The following DAB2IP variants were observed in gnomAD, a reference collection of about 807,000 sequenced individuals.
The protein encoded by DAB2IP is DAB2 interacting protein.
DAB2IP carries 28 observed loss-of-function variants against 107.2 expected under a neutral mutation model. The ratio of observed to expected loss-of-function variants is 0.26; its 90% CI spans 0.19 to 0.36. The LOEUF (loss-of-function observed/expected upper bound fraction) is 0.36, where lower values mean the gene tolerates loss of function less well. Ranked by LOEUF, DAB2IP falls within the 10% of genes least tolerant of loss-of-function variation. The pLI, the probability that DAB2IP is intolerant of heterozygous loss-of-function variation, is 1.00. For missense variants in DAB2IP, 1,400 were observed against 1,644.7 expected, an observed-to-expected ratio of 0.85 and a Z score of 2.57; for synonymous variants, 755 against 706.4, an observed-to-expected ratio of 1.07 and a Z score of -1.09.
In DAB2IP at chr9:121,702,712, G is replaced by A. The variant is rs1829849576; in HGVS notation, c.362+3254G>A. Among the ~76,000 whole-genome samples the A allele has an allele frequency of 6.6e-6, 1 of 152,182 alleles. No individual in the cohort carries two copies. Among genetic ancestry groups the A allele is most frequent in the African/African-American group, 2.4e-5 (1 of 41,426 alleles). On this transcript the variant is annotated intron_variant, in intron 3 of 15. Transcript: ENST00000408936. The surrounding 1 kb of genome is among the most constrained non-coding windows in gnomAD (Gnocchi z 4.5). ...AAAGTGATATAGAGGATGTGGTTCTGTCAGCCCAGAGGATAATTTCCAAGT... is the reference window on the plus strand; with the variant it reads ...AAAGTGATATAGAGGATGTGGTTCTATCAGCCCAGAGGATAATTTCCAAGT...
At chr9:121,650,915 T>C (rs1832717672), upstream of DAB2IP, among the ~76,000 whole-genome samples, 1 of 152,132 alleles carries the variant, frequency 6.6e-6, no homozygotes, top group South Asian at 2.1e-4. Context: ...ATAACAAGGA[T>C]GTTTAGACGT....
intron 2 of DAB2IP, 39 bp downstream of exon 2, chr9:121,678,820 A>G: frequency 1.3e-6 from 2 of 1,516,098 alleles, no homozygotes; most frequent in Non-Finnish European, 1.8e-6. Flanking sequence ...CACTGCCACC[A>G]CCATCACCAC....
chr9:121,669,701 T>A (rs1833598744), intron 1 of DAB2IP, among the ~76,000 whole-genome samples: 1 of 152,014 alleles, frequency 6.6e-6, no homozygotes, highest in Non-Finnish European at 1.5e-5. Flanking sequence ...CAAGAGAGGG[T>A]GATGATTGGT....
chr9:121,784,028 A>T (rs1234276238), exon 16 of DAB2IP: 3 of 197,926 alleles, frequency 1.5e-5, no homozygotes, highest in African/African-American at 6.8e-5. Flanking sequence ...TGAAGGGTGG[A>T]TGTGCTGGAG....
At chr9:121,604,812 GA>G (rs1443824082) in intron 1 of DAB2IP, among the ~76,000 whole-genome samples, 1 of 152,166 alleles carries the variant, frequency 6.6e-6, no homozygotes, top group African/African-American at 2.4e-5. Context: ...TGAATGCTTG[GA>G]AAGCTTTGTA....
intron 10 of DAB2IP, 96 bp from the exon 11 acceptor site, chr9:121,770,450 G>C: frequency 7.2e-7 from 1 of 1,391,508 alleles, no homozygotes; most frequent in Non-Finnish European, 9.8e-7. Context: ...CTTCTGACAG[G>C]CTCCGCAGTG....
chr9:121,659,430 A>G (rs1833104791), intron 1 of DAB2IP, among the ~76,000 whole-genome samples: 1 of 152,170 alleles, frequency 6.6e-6, no homozygotes, highest in Non-Finnish European at 1.5e-5. Flanking sequence ...CATGTAACAG[A>G]TAGATATGAT....
chr9:121,723,089 GC>G (rs1459884805), intron 3 of DAB2IP, among the ~76,000 whole-genome samples: 2 of 152,204 alleles, frequency 1.3e-5, no homozygotes, highest in South Asian at 4.1e-4. Flanking sequence ...ATGGCCCAGA[GC>G]CCTCTCTCCC....
intron 1 of DAB2IP, among the ~76,000 whole-genome samples, chr9:121,603,114 G>A (rs1589394073): frequency 6.6e-6 from 1 of 152,316 alleles, no homozygotes; most frequent in Admixed American, 6.5e-5. Flanking sequence ...GTGGCCTCTG[G>A]CCCTCCCAGC....
At chr9:121,618,953 T>A (rs763454565) in intron 1 of DAB2IP, among the ~76,000 whole-genome samples, 3 of 152,208 alleles carry the variant, frequency 2.0e-5, no homozygotes, top group Non-Finnish European at 2.9e-5. Flanking sequence ...GGATTGAACC[T>A]AAATGATGTT....
chr9:121,653,515 G>C (rs1832847259), intron 1 of DAB2IP, among the ~76,000 whole-genome samples: 1 of 152,064 alleles, frequency 6.6e-6, no homozygotes, highest in Admixed American at 6.5e-5. Context: ...TTGTAAAATG[G>C]ACCTGCCGTA....
In DAB2IP at chr9:121,680,068, A is replaced by G. The variant is rs577639920; in HGVS notation, c.228+1287A>G. The stretch of plus-strand genomic sequence containing the variant: ...CTTCTGTTTCCTAATACTTAGTGTC[A>G]GCATGAGAATGTGAGCTCATAAGGT... On this transcript the variant is annotated intron_variant, in intron 2 of 15. Transcript: ENST00000408936. 1.1e-3 allele frequency among the ~76,000 whole-genome samples: 175 copies of G among 152,310 alleles called. 2 individuals carry two copies. Among genetic ancestry groups the G allele is most frequent in the African/African-American group, 4.0e-3 (167 of 41,560 alleles).
chr9:121,627,278 C>A (rs541161665), intron 1 of DAB2IP, among the ~76,000 whole-genome samples: 101 of 152,174 alleles, frequency 6.6e-4, no homozygotes, highest in African/African-American at 2.3e-3. Flanking sequence ...TTCCACCTCG[C>A]GCTGCAGAAC....
At position 121,760,024 on chromosome 9, in the gene DAB2IP, A is replaced by G; in HGVS notation, c.755A>G (p.Asp252Gly). Reference sequence around the variant, plus strand: ...CGCACCACGGGCAAGCTCAAGACGGACAATGTTTTCTGGGGCGAGCACTTC... The same window carrying G: ...CGCACCACGGGCAAGCTCAAGACGGGCAATGTTTTCTGGGGCGAGCACTTC... The change falls in exon 6 of 16, where the codon GAC (aspartate) becomes GGC (glycine). Residue 252 changes from aspartate (D) to glycine (G), a missense_variant. Transcript: ENST00000408936. The surrounding 1 kb of genome is among the most constrained non-coding windows in gnomAD (Gnocchi z 5.9). 1 of 1,614,170 alleles carries G rather than the reference A, an allele frequency of 6.2e-7. No homozygotes were observed. The highest frequency in any genetic ancestry group is 8.5e-7 in the Non-Finnish European group (1 of 1,180,042).
At chr9:121,637,884 G>C (rs932376406) in intron 1 of DAB2IP, among the ~76,000 whole-genome samples, 6 of 152,174 alleles carry the variant, frequency 3.9e-5, no homozygotes, top group Non-Finnish European at 7.3e-5. Context: ...CTTGTTTGGG[G>C]TGGGGGCGGA....
chr9:121,657,855 G>A (rs1363727087), intron 1 of DAB2IP, among the ~76,000 whole-genome samples: 3 of 152,216 alleles, frequency 2.0e-5, no homozygotes, highest in African/African-American at 7.2e-5. Context: ...AGGTTGGAGA[G>A]ATGGATACTT....
intron 1 of DAB2IP, among the ~76,000 whole-genome samples, chr9:121,617,243 G>A (rs1318308043): frequency 6.6e-6 from 1 of 152,184 alleles, no homozygotes; most frequent in East Asian, 1.9e-4. Context: ...GAGAATGCTT[G>A]AACCCAGGAG....
chr9:121,781,263 A>G (rs1218773247), intron 14 of DAB2IP, among the ~76,000 whole-genome samples: 1 of 152,014 alleles, frequency 6.6e-6, no homozygotes, highest in African/African-American at 2.4e-5. Flanking sequence ...GGAGGTGAGG[A>G]AGGAGGCCCA....
At chr9:121,694,080 C>T (rs1829296059) in intron 2 of DAB2IP, among the ~76,000 whole-genome samples, 2 of 152,170 alleles carry the variant, frequency 1.3e-5, no homozygotes, top group Non-Finnish European at 1.5e-5. Context: ...GACAGCTCTG[C>T]ACTCAGGGAG....
Sources: allele counts gnomAD v4.1 joint callset (sites outside exome capture counted in the v4.1 genomes callset), GRCh38; gene constraint gnomAD v4.1.1; non-coding constraint Gnocchi (gnomAD v3.1); transcripts MANE v1.5; gene names NCBI Gene and HGNC (gene_info 2026-07-23, HGNC 2026-07-21).